PCCB: variants seen among roughly 807,000 people sequenced by gnomAD.
PCCB encodes propionyl-CoA carboxylase subunit beta.
PCCB carries 43 observed loss-of-function variants against 60.7 expected under a neutral mutation model. The ratio of observed to expected loss-of-function variants is 0.71; its 90% confidence interval spans 0.55 to 0.91. The LOEUF (loss-of-function observed/expected upper bound fraction) is 0.91, where lower values mean the gene tolerates loss of function less well. Ranked by LOEUF, PCCB falls within the 40% of genes least tolerant of loss-of-function variation. The pLI is 0.00. For missense variants in PCCB, 766 were observed against 702.8 expected (o/e 1.09, Z -1.02); for synonymous variants, 276 against 255.9 (o/e 1.08, Z -0.75).
intron 10 of PCCB, chr3:136,326,309 T>A: frequency 1.4e-6 from 1 of 702,648 alleles, no homozygotes; most frequent in Non-Finnish European, 2.6e-6. Flanking sequence ...GAGCTCCTAC[T>A]CTGTGCTGCT....
chr3:136,300,664 G>T (rs1029541547), intron 8 of PCCB, among the ~76,000 whole-genome samples: 2 of 152,202 alleles, frequency 1.3e-5, no homozygotes, highest in Non-Finnish European at 2.9e-5. Flanking sequence ...AATGTTCCAG[G>T]AAGTTGGGCT....
intron 5 of PCCB, among the ~76,000 whole-genome samples, chr3:136,273,369 TTGAG>T (rs1414597503): frequency 1.3e-5 from 2 of 152,098 alleles, no homozygotes; most frequent in African/African-American, 4.8e-5. Context: ...TGCTTCTTTG[TTGAG>T]TTTCTGTCTC....
chr3:136,254,830 C>T (rs189497560), intron 1 of PCCB, among the ~76,000 whole-genome samples: 98 of 151,618 alleles, frequency 6.5e-4, no homozygotes, highest in African/African-American at 2.3e-3. Flanking sequence ...TGTGCCCAGC[C>T]GAGGCTCCTG....
intron 10 of PCCB, among the ~76,000 whole-genome samples, chr3:136,321,728 C>T (rs113059706): frequency 0.027 from 4,161 of 152,218 alleles, 176 homozygotes; most frequent in African/African-American, 0.088. Flanking sequence ...GAGATTTGGG[C>T]GGGCACACAG....
intron 9 of PCCB, among the ~76,000 whole-genome samples, chr3:136,307,159 A>C (rs1323505387): frequency 8.2e-6 from 1 of 122,670 alleles, no homozygotes; most frequent in African/African-American, 2.5e-5. Context: ...TTAAGACTGC[A>C]GAAAACCAGT....
rs770601332 is a variant in PCCB, at chr3:136,256,557, T to G, written c.306T>G (p.Phe102Leu). 74 of 1,611,240 alleles carry G rather than the reference T, an allele frequency of 4.6e-5. No homozygotes were observed. The highest frequency in any genetic ancestry group is 3.3e-4 in the Middle Eastern group (2 of 6,082). Residue 102 changes from phenylalanine to leucine, a missense_variant and splice_region_variant, in exon 3 of 15, where the codon TTT (phenylalanine) becomes TTG (leucine). Phe to Leu is a conservative substitution (Grantham distance 22). Coordinates refer to ENST00000251654, the MANE Select transcript of PCCB (RefSeq NM_000532.5). ...DFGMAADKNK[F>L]PGDSVVTGRG... ...TTATTTTTGCATTTTTCTGGTAGTT[T>G]CCTGGAGACAGCGTGGTCACTGGAC...
At chr3:136,283,977 G>A (rs763980255) in intron 6 of PCCB, 30 bp downstream of exon 6, 37 of 1,395,782 alleles carry the variant, frequency 2.7e-5, no homozygotes, top group East Asian at 2.5e-4. Context: ...TTTTGGTGCC[G>A]TTTGAGATTT....
At chr3:136,256,518 G>T in intron 2 of PCCB, 37 bp from the exon 3 acceptor site, 1 of 1,497,366 alleles carries the variant, frequency 6.7e-7, no homozygotes, top group Non-Finnish European at 9.3e-7. Context: ...AGAAGTATTT[G>T]GATTTTTTAA....
intron 12 of PCCB, 116 bp from the exon 13 acceptor site, chr3:136,327,518 A>C: frequency 1.2e-6 from 1 of 831,316 alleles, no homozygotes; most frequent in Non-Finnish European, 2.1e-6. Context: ...GGCCTTCAGG[A>C]GCCCAGTAGG....
At chr3:136,292,985 T>A (rs1300534610) in intron 6 of PCCB, among the ~76,000 whole-genome samples, 1 of 152,212 alleles carries the variant, frequency 6.6e-6, no homozygotes, top group Non-Finnish European at 1.5e-5. Flanking sequence ...CCTATCACTC[T>A]TTAATAGCAA....
Position 136,326,910 on chromosome 3 carries a change from G to A in PCCB, c.1198G>A (p.Gly400Ser). The A allele has an allele frequency of 6.3e-7, 1 of 1,596,222 alleles. No individual in the cohort carries two copies. The highest frequency in any genetic ancestry group is 8.6e-7 in the Non-Finnish European group (1 of 1,163,704). ...TGTTGATGTCCCTGGCTTTCTACCT[G>A]GTAAGTTTTTGACAGAGTGGGGGCT... ...TFVDVPGFLP[G>S]TAQEYGGIIR... Residue 400 changes from glycine (G) to serine (S), a missense_variant and splice_region_variant, in exon 11 of 15, where the codon GGC becomes AGC. By Grantham distance (56) the Gly-to-Ser change is moderately conservative (BLOSUM62 0). Coordinates refer to ENST00000251654, the MANE Select transcript of PCCB (RefSeq NM_000532.5).
chr3:136,258,524 A>G (rs936384791), intron 3 of PCCB, among the ~76,000 whole-genome samples: 17 of 152,114 alleles, frequency 1.1e-4, no homozygotes, highest in African/African-American at 3.9e-4. Context: ...CAAGATGTTA[A>G]TATCTTAGGT....
chr3:136,328,912 C>A lies in PCCB; in HGVS notation c.1498+55C>A, dbSNP rs146561489. 1.0e-4 allele frequency: 138 copies of A among 1,362,918 alleles called. 1 individual carries two copies. The East Asian group carries it at 2.4e-3, about 24-fold the overall frequency. The allele number at this position is 1,362,918 out of a possible 1,614,324, so 84.4% of individuals were successfully genotyped here. On this transcript the variant is annotated intron_variant, in intron 14 of 14. Coordinates refer to ENST00000251654, the MANE Select transcript of PCCB (RefSeq NM_000532.5). Reference sequence around the variant, plus strand: ...TGTTTGTTTGGTCAACTTGCTCATTCTTTCTCTACAGAAATTGTCACATAA... The same window carrying A: ...TGTTTGTTTGGTCAACTTGCTCATTATTTCTCTACAGAAATTGTCACATAA...
Position 136,293,834 on chromosome 3 carries a change from G to T in PCCB, c.733G>T (p.Gly245Cys). ...TNEDVTQEEL[G>C]GAKTHTTMSG... ...TGAGGATGTTACCCAGGAGGAGCTC[G>T]GTGGTGCCAAGACCCACACCACCAT... The change falls in exon 7 of 15, where the codon GGT (glycine) becomes TGT (cysteine). Residue 245 changes from glycine to cysteine, a missense_variant. By Grantham distance (159) the Gly-to-Cys change is radical. Transcript: ENST00000251654. The T allele has an allele frequency of 6.2e-7, 1 of 1,611,396 alleles. No homozygotes were observed. Among genetic ancestry groups the T allele is most frequent in the Non-Finnish European group, 8.5e-7 (1 of 1,177,550 alleles).
intron 6 of PCCB, among the ~76,000 whole-genome samples, chr3:136,291,463 G>A (rs1019949564): frequency 6.6e-6 from 1 of 152,192 alleles, no homozygotes; most frequent in African/African-American, 2.4e-5. Context: ...TAGGCCCTTA[G>A]TAATGATAAG....
At chr3:136,316,321 T>A (rs552568166) in intron 9 of PCCB, among the ~76,000 whole-genome samples, 1 of 152,044 alleles carries the variant, frequency 6.6e-6, no homozygotes, top group Non-Finnish European at 1.5e-5. Context: ...TTATTTTTAT[T>A]TATTTATTTT....
intron 1 of PCCB, among the ~76,000 whole-genome samples, chr3:136,252,912 T>G (rs1941556744): frequency 6.6e-6 from 1 of 151,288 alleles, no homozygotes; most frequent in Non-Finnish European, 1.5e-5. Flanking sequence ...TGTTTTGTTT[T>G]TTTTTTTTTA....
chr3:136,275,374 A>G (rs1942311161), intron 5 of PCCB, among the ~76,000 whole-genome samples: 1 of 150,856 alleles, frequency 6.6e-6, no homozygotes, highest in Admixed American at 6.6e-5. Flanking sequence ...TCACCTTTCT[A>G]TGGTGTCTCC....
chr3:136,329,199 G>A (rs1935445395), intron 14 of PCCB, among the ~76,000 whole-genome samples: 1 of 152,216 alleles, frequency 6.6e-6, no homozygotes, highest in African/African-American at 2.4e-5. Flanking sequence ...AATTTGGTCT[G>A]GGCCCAGCTG....
Sources: gnomAD v4.1 joint callset for allele counts (sites outside exome capture counted in the v4.1 genomes callset) on GRCh38, gnomAD v4.1.1 for gene constraint, MANE v1.5 for transcripts, NCBI Gene and HGNC (gene_info 2026-07-23, HGNC 2026-07-21) for gene names.